Variants in DNAH9 observed in about 807,000 individuals in gnomAD.
DNAH9 encodes DNAH9 variant protein.
In DNAH9, 345 loss-of-function variants were observed where a neutral mutation model predicts 471.6. The observed-to-expected ratio is 0.73, with a 90% CI of 0.67 to 0.80. DNAH9 has a LOEUF of 0.80. Ranked by LOEUF, DNAH9 falls within the 30% of genes least tolerant of loss-of-function variation. The pLI is 0.00. For missense variants in DNAH9, 5,407 were observed against 5,609.2 expected (o/e 0.96, Z 1.15); for synonymous variants, 2,093 against 2,123.6 (o/e 0.99, Z 0.40).
rs1005043333 is a variant in DNAH9 at position 11,705,191 on chromosome 17, C to G, written c.5552+6C>G. 28 of 1,613,292 alleles carry G rather than the reference C, an allele frequency of 1.7e-5. No individual in the cohort carries two copies. The highest frequency in any genetic ancestry group is 2.3e-5 in the Non-Finnish European group (27 of 1,179,462). On this transcript the variant is annotated splice_donor_region_variant and intron_variant, in intron 26 of 68. Coordinates refer to ENST00000262442, the MANE Select transcript of DNAH9 (RefSeq NM_001372.4). ...ATCACACCTTTGACTGACAGGTGAG[C>G]ACTGGTGTCAACCACTGACAGCCTT...
chr17:11,913,262 G>A (rs879804902), intron 61 of DNAH9, among the ~76,000 whole-genome samples: 2 of 152,054 alleles, frequency 1.3e-5, no homozygotes, highest in Non-Finnish European at 2.9e-5. Context: ...GAGTTTTTTT[G>A]AGTAAGAAGT....
intron 40 of DNAH9, 106 bp downstream of exon 40, chr17:11,783,854 G>A (rs1597642341): frequency 3.4e-6 from 3 of 880,574 alleles, no homozygotes; most frequent in East Asian, 2.6e-5. Context: ...CAGCCTCTCA[G>A]AATGGTAAAT....
At chr17:11,879,614 T>C (rs1972634922) in intron 53 of DNAH9, among the ~76,000 whole-genome samples, 1 of 152,126 alleles carries the variant, frequency 6.6e-6, no homozygotes, top group Non-Finnish European at 1.5e-5. Flanking sequence ...CCTAAATCTT[T>C]GTTAATTGAT....
At chr17:11,935,806 C>A (rs1974693534) in intron 65 of DNAH9, among the ~76,000 whole-genome samples, 1 of 151,708 alleles carries the variant, frequency 6.6e-6, no homozygotes, top group Non-Finnish European at 1.5e-5. Context: ...TTCTTTAATT[C>A]ATTAAACTTA....
chr17:11,747,859 C>G (rs923595979), intron 32 of DNAH9, 93 bp downstream of exon 32: 23 of 1,164,234 alleles, frequency 2.0e-5, no homozygotes, highest in Non-Finnish European at 2.8e-5. Flanking sequence ...CAGAAGCAAA[C>G]ATTGGACTGA....
At chr17:11,601,458 A>G (rs1345584996) in intron 1 of DNAH9, among the ~76,000 whole-genome samples, 2 of 152,152 alleles carry the variant, frequency 1.3e-5, no homozygotes, top group Non-Finnish European at 2.9e-5. Context: ...TAGGTGGAAG[A>G]TTTACTTCCC....
At chr17:11,803,062 TGC>T (rs1375934800) in intron 43 of DNAH9, among the ~76,000 whole-genome samples, 1 of 152,238 alleles carries the variant, frequency 6.6e-6, no homozygotes, top group Non-Finnish European at 1.5e-5. Context: ...TTGCTATCTA[TGC>T]AAAGTGCTTT....
chr17:11,941,749 A>AGATAGATG (rs1220106787), intron 66 of DNAH9, among the ~76,000 whole-genome samples: 1 of 151,764 alleles, frequency 6.6e-6, no homozygotes, highest in Non-Finnish European at 1.5e-5. Context: ...GTGATAGATT[A>AGATAGATG]GATAGATGGA....
chr17:11,813,473 T>G (rs1295150085), intron 45 of DNAH9, among the ~76,000 whole-genome samples: 1 of 152,166 alleles, frequency 6.6e-6, no homozygotes, highest in Non-Finnish European at 1.5e-5. Context: ...TCTCCCAACT[T>G]TTTCAACTTT....
chr17:11,701,022 G>A (rs779674289), intron 23 of DNAH9, 100 bp from the exon 24 acceptor site: 2 of 1,295,178 alleles, frequency 1.5e-6, no homozygotes, highest in Non-Finnish European at 2.2e-6. Context: ...CAATGTGTGG[G>A]CTCCCTTTCC....
intron 38 of DNAH9, among the ~76,000 whole-genome samples, chr17:11,775,666 G>A (rs1322676023): frequency 5.5e-4 from 78 of 141,526 alleles, no homozygotes; most frequent in Non-Finnish European, 8.6e-4. Flanking sequence ...GTGCAGTGGC[G>A]CGATCTCGGC....
chr17:11,808,031 TG>T, intron 44 of DNAH9, 137 bp downstream of exon 44: 1 of 1,069,628 alleles, frequency 9.3e-7, no homozygotes. Flanking sequence ...TCTTAGGTTC[TG>T]GGCTGGTGAT....
chr17:11,969,590 TG>T lies in DNAH9; in HGVS notation c.*66del. On this transcript the variant is annotated 3_prime_UTR_variant, in exon 69 of 69. Transcript: ENST00000262442. ...CTTGGAGGCTGCCTAGAGGGACAGG[TG>T]GGTGAAGGGTCACCACAGACACTTA... is the stretch of plus-strand genomic sequence containing the variant. 1.5e-6 allele frequency: 2 copies of T among 1,353,204 alleles called. No individual in the cohort carries two copies. Among genetic ancestry groups the T allele is most frequent in the South Asian group, 1.4e-5 (1 of 72,960 alleles). 83.8% of individuals were successfully genotyped at this position (1,353,204 alleles called of 1,614,324 possible).
intron 49 of DNAH9, among the ~76,000 whole-genome samples, chr17:11,841,990 A>G (rs1321972380): frequency 6.6e-6 from 1 of 151,706 alleles, no homozygotes; most frequent in African/African-American, 2.4e-5. Flanking sequence ...CTTTCTTTTT[A>G]TACAGTTTCT....
intron 29 of DNAH9, among the ~76,000 whole-genome samples, chr17:11,740,446 T>G (rs1329158496): frequency 6.6e-6 from 1 of 152,126 alleles, no homozygotes; most frequent in African/African-American, 2.4e-5. Flanking sequence ...GGCGGCCACC[T>G]TCTTGCTGTA....
intron 19 of DNAH9, among the ~76,000 whole-genome samples, chr17:11,681,333 T>C (rs1202837174): frequency 6.6e-6 from 1 of 152,142 alleles, no homozygotes; most frequent in Non-Finnish European, 1.5e-5. Context: ...TTCAGGGGGT[T>C]TCTCTCTGCT....
chr17:11,920,757 TACAAATGAGACTC>T (rs1309765189), intron 61 of DNAH9, among the ~76,000 whole-genome samples: 1 of 152,040 alleles, frequency 6.6e-6, no homozygotes, highest in Admixed American at 6.6e-5. Flanking sequence ...AAGCCCCTAA[TACAAATGAGACTC>T]ACTGAAAAGT....
chr17:11,608,136 T>C lies in DNAH9; in HGVS notation c.425T>C (p.Leu142Pro). The C allele has an allele frequency of 1.3e-6, 2 of 1,595,438 alleles. No homozygotes were observed. The highest frequency in any genetic ancestry group is 2.7e-5 in the African/African-American group (2 of 74,590). ...HLAALFSEVV[L>P]PVLANEKNRL... Reference sequence around the variant, plus strand: ...TGTGCACCTCTGTTCCAGGTTGTTCTACCCGTCCTGGCCAATGAGAAGAAT... The same window carrying C: ...TGTGCACCTCTGTTCCAGGTTGTTCCACCCGTCCTGGCCAATGAGAAGAAT... The change falls in exon 2 of 69, where the codon CTA (leucine) becomes CCA (proline). Residue 142 changes from leucine (L) to proline (P), a missense_variant. Around this residue, in one of 3 missense-constraint regions of DNAH9, gnomAD observed 767 missense variants for 692.5 expected, o/e 1.11. Coordinates refer to ENST00000262442, the MANE Select transcript of DNAH9 (RefSeq NM_001372.4).
chr17:11,681,035 C>T (rs980611918), intron 19 of DNAH9, 146 bp downstream of exon 19: 45 of 766,780 alleles, frequency 5.9e-5, no homozygotes, highest in Non-Finnish European at 7.9e-5. Flanking sequence ...TTGGTTGAAA[C>T]GTGGTGCTAA....
Sources: allele counts gnomAD v4.1 joint callset (sites outside exome capture counted in the v4.1 genomes callset), GRCh38; gene constraint gnomAD v4.1.1; regional missense constraint gnomAD v4.1.1; transcripts MANE v1.5; gene names NCBI Gene and HGNC (gene_info 2026-07-23, HGNC 2026-07-21).